Variants in DNHD1 observed in about 807,000 individuals in gnomAD.
The protein encoded by DNHD1 is dynein heavy chain domain 1.
In DNHD1, 383 loss-of-function variants were observed where a neutral mutation model predicts 458.1. The ratio of observed to expected loss-of-function variants is 0.84; its 90% CI spans 0.77 to 0.91. DNHD1 has a LOEUF of 0.91. Ranked by LOEUF, DNHD1 falls within the 40% of genes least tolerant of loss-of-function variation. DNHD1 has a pLI of 0.00. For missense variants in DNHD1, 5,336 were observed against 5,866.1 expected (o/e 0.91, Z 2.95); for synonymous variants, 2,203 against 2,376.9 (o/e 0.93, Z 2.13).
At position 6,548,664 on chromosome 11, in the gene DNHD1, T is replaced by C; in HGVS notation, c.7118T>C (p.Val2373Ala). 6.4e-7 allele frequency: 1 copy of C among 1,551,634 alleles called. No individual in the cohort carries two copies. Among genetic ancestry groups the C allele is most frequent in the Non-Finnish European group, 8.7e-7 (1 of 1,146,966 alleles). Residue 2373 changes from valine to alanine, a missense_variant, in exon 24 of 43, where the codon GTG (valine) becomes GCG (alanine). This residue lies in a region of DNHD1 where 3,932 missense variants were observed against 4,365.6 expected (regional missense o/e 0.90). Transcript: ENST00000254579. This position sits in a 1 kb window ranked among gnomAD's most constrained non-coding sequence, Gnocchi z 4.4. ...PSIQTERLLY[V>A]VDLLLSGGQP... ...TTGCAGACTGAACGGCTCTTGTATG[T>C]GGTGGACCTGCTTCTGTCAGGGGGA...
rs750269175 is a variant in DNHD1, at chr11:6,519,957, T to C, written c.1648-8T>C. The C allele has an allele frequency of 5.6e-6, 9 of 1,613,996 alleles. No individual in the cohort carries two copies. Among genetic ancestry groups the C allele is most frequent in the Admixed American group, 3.3e-5 (2 of 59,988 alleles). ...CCCCTCGACCTTTCCTGACCCTTTT[T>C]TTTACAGGCCCCAAGGCAGAAACCC... On this transcript the variant is annotated splice_polypyrimidine_tract_variant and splice_region_variant and intron_variant, in intron 8 of 42. Transcript: ENST00000254579.
At chr11:6,531,639 T>G (rs1852831493) in intron 12 of DNHD1, among the ~76,000 whole-genome samples, 1 of 152,208 alleles carries the variant, frequency 6.6e-6, no homozygotes, top group Non-Finnish European at 1.5e-5. Context: ...TCATGTTCTG[T>G]TTGATATAGG....
Position 6,533,871 on chromosome 11 carries a change from T to C in DNHD1, c.2696T>C (p.Leu899Pro). 6.5e-7 allele frequency: 1 copy of C among 1,549,528 alleles called. No individual in the cohort carries two copies. The highest frequency in any genetic ancestry group is 8.7e-7 in the Non-Finnish European group (1 of 1,146,026). The change falls in exon 14 of 43, where the codon CTC (leucine) becomes CCC (proline). Residue 899 changes from leucine to proline, a missense_variant. By Grantham distance (98) the Leu-to-Pro change is moderately conservative (BLOSUM62 -3). Coordinates refer to ENST00000254579, the MANE Select transcript of DNHD1 (RefSeq NM_144666.3). ...PCPPPPQPHL[L>P]HCPLLAPQLL... ...CCTCCTCCCCCACAACCACATCTAC[T>C]CCACTGCCCTCTGCTTGCCCCACAG...
chr11:6,549,672 G>C (rs1464666883), intron 24 of DNHD1, among the ~76,000 whole-genome samples: 1 of 152,168 alleles, frequency 6.6e-6, no homozygotes, highest in Non-Finnish European at 1.5e-5. Flanking sequence ...CCTGTGCTCT[G>C]TACAATAATC....
At position 6,563,918 on chromosome 11, in the gene DNHD1, G is replaced by T. The variant is rs1056169167; in HGVS notation, c.10078G>T (p.Glu3360Ter). ...LQQVEATLTR[E>*]QARLGYYQFQ... ...GCAAGTGGAGGCAACACTCACTCGG[G>T]AGCAGGCCCGCCTGGGCTACTACCA... The change falls in exon 31 of 43, where the codon GAG (glutamate) becomes TAG (stop). Residue 3360 changes from glutamate to a stop codon, truncating the protein, a stop_gained. Transcript: ENST00000254579. LOFTEE classifies it high-confidence loss of function. 4.6e-5 allele frequency: 72 copies of T among 1,551,576 alleles called. No individual in the cohort carries two copies. Among genetic ancestry groups the T allele is most frequent in the Non-Finnish European group, 6.1e-5 (70 of 1,147,010 alleles).
chr11:6,538,382 G>A lies in DNHD1; in HGVS notation c.2999-1G>A. 6.4e-7 allele frequency: 1 copy of A among 1,551,668 alleles called. No homozygotes were observed. Among genetic ancestry groups the A allele is most frequent in the Non-Finnish European group, 8.7e-7 (1 of 1,146,982 alleles). On this transcript the variant is annotated splice_acceptor_variant, in intron 14 of 42. Coordinates refer to ENST00000254579, the MANE Select transcript of DNHD1 (RefSeq NM_144666.3). LOFTEE classifies it high-confidence loss of function. ...GGTCTCAAGTCAGCCCTCCCCCACA[G>A]AGGATGAGACTCCTGTGCCCTTGCC...
At chr11:6,527,002 C>T (rs544072002) in intron 10 of DNHD1, among the ~76,000 whole-genome samples, 2 of 152,346 alleles carry the variant, frequency 1.3e-5, no homozygotes, top group South Asian at 4.1e-4. Context: ...TTTGAGGTTG[C>T]AGATGGTTTG....
At position 6,509,557 on chromosome 11, in the gene DNHD1, TATGGAGAATATATGCAATATTCTCC is replaced by T. The variant is rs1174646670; in HGVS notation, c.1235+287_1235+311del. ...TATTTCATGAATAGAATATATTCTC[TATGGAGAATATATGCAATATTCTCC>T]AGGTAATTATATATCTTAAACCACT... On this transcript the variant is annotated intron_variant, in intron 6 of 42. Coordinates refer to ENST00000254579, the MANE Select transcript of DNHD1 (RefSeq NM_144666.3). Among the ~76,000 whole-genome samples, 9 of 152,312 alleles carry T rather than the reference TATGGAGAATATATGCAATATTCTCC, an allele frequency of 5.9e-5. No individual in the cohort carries two copies. The East Asian group carries it at 1.7e-3, about 29-fold the overall frequency.
chr11:6,543,344 G>T (rs1180581653), intron 18 of DNHD1, among the ~76,000 whole-genome samples: 1 of 152,202 alleles, frequency 6.6e-6, no homozygotes, highest in East Asian at 1.9e-4. Context: ...AGCAGCACCA[G>T]GGAGCCAAGC....
intron 10 of DNHD1, among the ~76,000 whole-genome samples, chr11:6,521,695 G>A (rs115370726): frequency 6.6e-6 from 1 of 152,294 alleles, no homozygotes; most frequent in African/African-American, 2.4e-5. Context: ...TGGAAAATCA[G>A]ATTCATATAA....
At chr11:6,556,634 C>A in intron 24 of DNHD1, 49 bp from the exon 25 acceptor site, 4 of 1,473,830 alleles carry the variant, frequency 2.7e-6, no homozygotes, top group Non-Finnish European at 3.6e-6. Flanking sequence ...GGTTGATACT[C>A]TCATGTGGAC....
Position 6,571,302 on chromosome 11 carries a change from G to A in DNHD1, c.13790G>A (p.Arg4597His), listed in dbSNP as rs377283268. The stretch of plus-strand genomic sequence containing the variant: ...CCGCGCCGCCTGCTGCTGGCATTGC[G>A]TGGGGAAGCTGCCCTGGACCAGAAT... ...RHPRRLLLAL[R>H]GEAALDQNVP... Residue 4597 changes from arginine (R) to histidine (H), a missense_variant, in exon 42 of 43, where the codon CGT becomes CAT. Physicochemically the swap from Arg to His is conservative, Grantham distance 29 (BLOSUM62 0). This residue lies in a region of DNHD1 where 698 missense variants were observed against 664.9 expected (regional missense o/e 1.05). Transcript: ENST00000254579. The surrounding 1 kb of genome is among the most constrained non-coding windows in gnomAD (Gnocchi z 5.0). 6 of 1,612,172 alleles carry A rather than the reference G, an allele frequency of 3.7e-6. No homozygotes were observed. The highest frequency in any genetic ancestry group is 5.1e-6 in the Non-Finnish European group (6 of 1,179,570).
Position 6,571,932 on chromosome 11 carries a change from C to A in DNHD1, c.14208C>A (p.Thr4736=), listed in dbSNP as rs752019242. The A allele has an allele frequency of 3.7e-6, 6 of 1,613,956 alleles. No homozygotes were observed. Among genetic ancestry groups the A allele is most frequent in the Non-Finnish European group, 5.1e-6 (6 of 1,179,858 alleles). ...VMHLPLPTKL[T]PNTCVQRRVH... Reference sequence around the variant, plus strand: ...ATCTGCCTTTACCCACCAAGCTCACCCCCAACACCTGTGTCCAAAGGAGGG... The same window carrying A: ...ATCTGCCTTTACCCACCAAGCTCACACCCAACACCTGTGTCCAAAGGAGGG... Residue 4736 remains threonine, a synonymous_variant, in exon 43 of 43, where the codon ACC becomes ACA. Transcript: ENST00000254579. The surrounding 1 kb of genome is among the most constrained non-coding windows in gnomAD (Gnocchi z 5.0).
chr11:6,545,376 G>A lies in DNHD1; in HGVS notation c.4437G>A (p.Glu1479=). The A allele has an allele frequency of 6.4e-7, 1 of 1,551,784 alleles. No individual in the cohort carries two copies. Among genetic ancestry groups the A allele is most frequent in the Non-Finnish European group, 8.7e-7 (1 of 1,147,016 alleles). Residue 1479 remains glutamate, a synonymous_variant, in exon 21 of 43, where the codon GAG becomes GAA. Coordinates refer to ENST00000254579, the MANE Select transcript of DNHD1 (RefSeq NM_144666.3). The surrounding 1 kb of genome is among the most constrained non-coding windows in gnomAD (Gnocchi z 4.9). ...ARLARGPSLG[E]ALKQLPKQNK... is the part of the protein sequence containing the mutation. ...TTGCTCGAGGCCCATCTCTAGGTGA[G>A]GCCCTCAAGCAACTGCCCAAGCAAA...
rs934232949 is a variant in DNHD1 at position 6,545,069 on chromosome 11, C to A, written c.4130C>A (p.Ser1377Ter). 6.4e-7 allele frequency: 1 copy of A among 1,551,796 alleles called. No individual in the cohort carries two copies. The highest frequency in any genetic ancestry group is 1.4e-5 in the African/African-American group (1 of 73,050). Residue 1377 changes from serine to a stop codon, truncating the protein, a stop_gained, in exon 21 of 43, where the codon TCA becomes TAA. Transcript: ENST00000254579. LOFTEE classifies it high-confidence loss of function. This position sits in a 1 kb window ranked among gnomAD's most constrained non-coding sequence, Gnocchi z 4.9. ...LVALLAARLE[S>*]CEAQLWVRRC... is the part of the protein sequence containing the mutation. ...GCCCTGCTGGCTGCTCGACTGGAAT[C>A]ATGCGAAGCCCAGCTATGGGTACGA...
intron 33 of DNHD1, 97 bp from the exon 34 acceptor site, chr11:6,566,144 C>A: frequency 6.7e-7 from 1 of 1,501,462 alleles, no homozygotes; most frequent in Non-Finnish European, 8.9e-7. Flanking sequence ...CTCCTATCAG[C>A]CACAGGGAAG....
intron 4 of DNHD1, among the ~76,000 whole-genome samples, chr11:6,506,423 T>A (rs1290900872): frequency 2.0e-5 from 3 of 152,188 alleles, no homozygotes; most frequent in African/African-American, 4.8e-5. Context: ...ATTATCCAGT[T>A]TCATATATTA....
intron 17 of DNHD1, 131 bp from the exon 18 acceptor site, chr11:6,539,745 A>T (rs1853052205): frequency 1.2e-6 from 1 of 806,512 alleles, no homozygotes; most frequent in Non-Finnish European, 2.0e-6. Flanking sequence ...CTCTCGCTTC[A>T]TCTCTGAGAC....
In DNHD1 at chr11:6,546,253, C is replaced by A; in HGVS notation, c.5314C>A (p.Arg1772=). The stretch of plus-strand genomic sequence containing the variant: ...TGCCCCACTGTACCAGGAGGCTTCC[C>A]GAAACACAAGCACCATAGACCCCAC... ...LYAPLYQEAS[R]NTSTIDPTQP... is the part of the protein sequence containing the mutation. Residue 1772 remains arginine (R), a synonymous_variant, in exon 21 of 43, where the codon CGA becomes AGA. Transcript: ENST00000254579. The A allele has an allele frequency of 6.4e-7, 1 of 1,552,246 alleles. No individual in the cohort carries two copies.
Sources: gnomAD v4.1 joint callset for allele counts (sites outside exome capture counted in the v4.1 genomes callset) on GRCh38, gnomAD v4.1.1 for gene constraint, gnomAD v4.1.1 regional missense constraint, Gnocchi (gnomAD v3.1) non-coding constraint, MANE v1.5 for transcripts, NCBI Gene and HGNC (gene_info 2026-07-23, HGNC 2026-07-21) for gene names.